BZW2: variants seen among roughly 807,000 people sequenced by gnomAD.
The protein encoded by BZW2 is eIF5-mimic protein 1.
BZW2 carries 23 observed loss-of-function variants against 53.2 expected under a neutral mutation model. The ratio of observed to expected loss-of-function variants is 0.43; its 90% CI spans 0.31 to 0.61. The LOEUF (loss-of-function observed/expected upper bound fraction) is 0.61, where lower values mean the gene tolerates loss of function less well. BZW2 is among the 20% of genes least tolerant of loss of function. The pLI is 0.09. For synonymous variants in BZW2, 227 were observed against 186.4 expected (o/e 1.22, Z -1.77); for missense variants, 409 against 503.1 (o/e 0.81, Z 1.79).
intron 1 of BZW2, among the ~76,000 whole-genome samples, chr7:16,649,226 G>C (rs891466149): frequency 6.6e-6 from 1 of 152,096 alleles, no homozygotes; most frequent in East Asian, 1.9e-4. Flanking sequence ...ACATTAACTA[G>C]GTCAAATTTA....
At chr7:16,647,386 C>T (rs971676619) in intron 1 of BZW2, among the ~76,000 whole-genome samples, 22 of 152,106 alleles carry the variant, frequency 1.4e-4, no homozygotes, top group Non-Finnish European at 8.8e-5. Context: ...ATACGAAAAG[C>T]GAAATGCATT....
chr7:16,698,334 C>A, intron 10 of BZW2, 148 bp downstream of exon 10: 1 of 1,097,560 alleles, frequency 9.1e-7, no homozygotes, highest in Non-Finnish European at 1.3e-6. Context: ...TTGAGGCAAC[C>A]ATACCATGTA....
At chr7:16,698,585 T>C (rs898036979) in intron 10 of BZW2, among the ~76,000 whole-genome samples, 9 of 152,232 alleles carry the variant, frequency 5.9e-5, no homozygotes, top group African/African-American at 2.2e-4. Flanking sequence ...GACTTTAAAA[T>C]TACTGAAGTA....
rs369538600 is a variant in BZW2, at chr7:16,686,026, G to C, written c.527G>C (p.Ser176Thr). 8.3e-5 allele frequency: 133 copies of C among 1,611,862 alleles called. No homozygotes were observed. The highest frequency in any genetic ancestry group is 1.6e-4 in the Middle Eastern group (1 of 6,078). The change falls in exon 6 of 12, where the codon AGC becomes ACC. Residue 176 changes from serine (S) to threonine (T), a missense_variant. Ser to Thr is a moderately conservative substitution (Grantham distance 58). Coordinates refer to ENST00000258761, the MANE Select transcript of BZW2 (RefSeq NM_014038.3). ...ATILTSLFTDSLVKEGIAASF... is the reference protein window; with the variant it reads ...ATILTSLFTDTLVKEGIAASF... ...ATCCTCACCAGTCTCTTCACCGACA[G>C]CTTAGTCAAAGAAGGTAACGAGGCT...
chr7:16,656,908 C>T (rs1469488206), intron 1 of BZW2, among the ~76,000 whole-genome samples: 1 of 152,096 alleles, frequency 6.6e-6, no homozygotes, highest in Non-Finnish European at 1.5e-5. Flanking sequence ...CAAGATGGCT[C>T]TTATGTTGTT....
chr7:16,660,023 C>T (rs1782213210), intron 1 of BZW2, among the ~76,000 whole-genome samples: 1 of 151,664 alleles, frequency 6.6e-6, no homozygotes, highest in Non-Finnish European at 1.5e-5. Context: ...CAACAGGCCC[C>T]TTCCTGTGTC....
Position 16,698,208 on chromosome 7 carries a change from C to G in BZW2, c.1108+22C>G, listed in dbSNP as rs370117093. On this transcript the variant is annotated intron_variant, in intron 10 of 11. Coordinates refer to ENST00000258761, the MANE Select transcript of BZW2 (RefSeq NM_014038.3). ...AAAGGTATCCATCCACGTGCCACTG[C>G]TGTGCTTCTGTGTTTTGCTGAAGCT... The G allele has an allele frequency of 1.5e-4, 237 of 1,613,436 alleles. 1 individual carries two copies. The highest frequency in any genetic ancestry group is 4.9e-4 in the Middle Eastern group (3 of 6,080).
At chr7:16,685,720 C>T (rs1181970519) in intron 5 of BZW2, among the ~76,000 whole-genome samples, 185 bp from the exon 6 acceptor site, 1 of 152,134 alleles carries the variant, frequency 6.6e-6, no homozygotes, top group Non-Finnish European at 1.5e-5. Flanking sequence ...GCTCAAGTCA[C>T]TTTCCACAGC....
chr7:16,655,101 T>C (rs1220001729), intron 1 of BZW2, among the ~76,000 whole-genome samples: 1 of 152,192 alleles, frequency 6.6e-6, no homozygotes, highest in East Asian at 1.9e-4. Context: ...GGCCACCTAC[T>C]TTTTTCAATG....
chr7:16,660,227 A>G (rs1013383906), intron 1 of BZW2, among the ~76,000 whole-genome samples: 1 of 151,862 alleles, frequency 6.6e-6, no homozygotes, highest in African/African-American at 2.4e-5. Context: ...ACCTTGGGCA[A>G]CATGGGGAAA....
At chr7:16,684,851 A>T (rs1783065288) in intron 5 of BZW2, among the ~76,000 whole-genome samples, 4 of 152,200 alleles carry the variant, frequency 2.6e-5, no homozygotes, top group Admixed American at 2.6e-4. Context: ...ACATAATGTA[A>T]ATAGTCTATA....
At chr7:16,705,394 A>G (rs1386832614) in intron 11 of BZW2, among the ~76,000 whole-genome samples, 1 of 151,618 alleles carries the variant, frequency 6.6e-6, no homozygotes, top group Non-Finnish European at 1.5e-5. Flanking sequence ...AATTAAGAAT[A>G]AAAAGTTCAG....
intron 7 of BZW2, among the ~76,000 whole-genome samples, chr7:16,690,224 A>G (rs1583742642): frequency 6.7e-6 from 1 of 149,916 alleles, no homozygotes; most frequent in East Asian, 2.0e-4. Flanking sequence ...TTTTTTTGAG[A>G]CAGAGTCTGG....
At chr7:16,671,059 G>GT (rs1782582948) in intron 2 of BZW2, among the ~76,000 whole-genome samples, 1 of 152,168 alleles carries the variant, frequency 6.6e-6, no homozygotes, top group Non-Finnish European at 1.5e-5. Context: ...TTAAAATGTA[G>GT]TTTTTAATTT....
intron 1 of BZW2, among the ~76,000 whole-genome samples, chr7:16,658,403 A>C (rs141421725): frequency 2.7e-4 from 41 of 152,316 alleles, no homozygotes; most frequent in Middle Eastern, 3.4e-3. Flanking sequence ...AAATTTTAAA[A>C]ACAAGCATTC....
chr7:16,682,853 T>G lies in BZW2; in HGVS notation c.405+8T>G, dbSNP rs1782992478. 1 of 1,548,774 alleles carries G rather than the reference T, an allele frequency of 6.5e-7. No homozygotes were observed. Among genetic ancestry groups the G allele is most frequent in the South Asian group, 1.1e-5 (1 of 87,728 alleles). On this transcript the variant is annotated splice_region_variant and intron_variant, in intron 5 of 11. Coordinates refer to ENST00000258761, the MANE Select transcript of BZW2 (RefSeq NM_014038.3). ...GAAGATGAAATGAAAAAGGTAAAAA[T>G]TCAAATATAATGCCTATCTGTTTTA...
chr7:16,693,689 C>T (rs1376016598), intron 7 of BZW2, among the ~76,000 whole-genome samples: 1 of 152,152 alleles, frequency 6.6e-6, no homozygotes, highest in African/African-American at 2.4e-5. Flanking sequence ...AGTTCCCTTC[C>T]CTGCAGATTT....
At chr7:16,677,051 CTT>C (rs10660587) in intron 3 of BZW2, among the ~76,000 whole-genome samples, 7 of 130,058 alleles carry the variant, frequency 5.4e-5, no homozygotes, top group Admixed American at 1.6e-4. Flanking sequence ...GCCCAGATTT[CTT>C]TTTTTTTTTT....
intron 1 of BZW2, among the ~76,000 whole-genome samples, chr7:16,656,568 C>G (rs1309627095): frequency 7.3e-6 from 1 of 137,716 alleles, no homozygotes; most frequent in Non-Finnish European, 1.5e-5. Flanking sequence ...CACACACACA[C>G]ACACACACAC....
Sources: allele counts gnomAD v4.1 joint callset (sites outside exome capture counted in the v4.1 genomes callset), GRCh38; gene constraint gnomAD v4.1.1; transcripts MANE v1.5; gene names NCBI Gene and HGNC (gene_info 2026-07-23, HGNC 2026-07-21).